PRDM4: variants seen among roughly 807,000 people sequenced by gnomAD.
The protein encoded by PRDM4 is PR domain zinc finger protein 4.
Under a neutral mutation model 62.3 loss-of-function variants are expected in PRDM4, and 38 were observed. The observed-to-expected ratio is 0.61, with a 90% CI of 0.47 to 0.80. PRDM4 has a LOEUF of 0.80. PRDM4 is among the 30% of genes least tolerant of loss of function. The pLI, the probability that PRDM4 is intolerant of heterozygous loss-of-function variation, is 0.00. For missense variants in PRDM4, 858 were observed against 997.1 expected, an observed-to-expected ratio of 0.86 and a Z score of 1.88; for synonymous variants, 339 against 348.2, an observed-to-expected ratio of 0.97 and a Z score of 0.30.
chr12:107,754,506 C>G (rs1470523103), intron 3 of PRDM4, among the ~76,000 whole-genome samples: 1 of 152,090 alleles, frequency 6.6e-6, no homozygotes, highest in Non-Finnish European at 1.5e-5. Context: ...CCTCAGCCTC[C>G]TGAGTAGCTG....
Position 107,741,005 on chromosome 12 carries a change from A to C in PRDM4, c.1865T>G (p.Phe622Cys). 6.2e-7 allele frequency: 1 copy of C among 1,614,214 alleles called. No homozygotes were observed. The highest frequency in any genetic ancestry group is 8.5e-7 in the Non-Finnish European group (1 of 1,180,034). Residue 622 changes from phenylalanine to cysteine, a missense_variant, in exon 10 of 12, where the codon TTC becomes TGC. Physicochemically the swap from Phe to Cys is radical, Grantham distance 205. Around this residue, in one of 3 missense-constraint regions of PRDM4, gnomAD observed 355 missense variants for 432.6 expected, o/e 0.82. Transcript: ENST00000228437. ...HMGMKPHKCD[F>C]CSKAFSDPSN... ...GGGATCACTAAAAGCCTTGCTACAG[A>C]AATCACACTTGTGGGGCTTCATACC...
At position 107,760,768 on chromosome 12, in the gene PRDM4, C is replaced by T; in HGVS notation, c.-253G>A. The T allele has an allele frequency of 3.8e-6, 2 of 520,750 alleles. No individual in the cohort carries two copies. The highest frequency in any genetic ancestry group is 7.2e-5 in the Admixed American group (2 of 27,862). The allele number at this position is 520,750 out of a possible 1,614,324, so 32.3% of individuals were successfully genotyped here. A position where few individuals can be genotyped will look rare whatever the true frequency, so the allele number is the denominator to read the frequency against. On this transcript the variant is annotated 5_prime_UTR_variant, in exon 2 of 12. It introduces an in-frame stop codon into an upstream open reading frame of the 5' UTR. Coordinates refer to ENST00000228437, the MANE Select transcript of PRDM4 (RefSeq NM_012406.4). ...CAGAAGCTTCGGGAAGGGGGCTGCC[C>T]AACCTGGGGGAGTGGGGACAAGAGC...
Position 107,744,577 on chromosome 12 carries a change from T to G in PRDM4, c.1361A>C (p.Glu454Ala). Residue 454 changes from glutamate (E) to alanine (A), a missense_variant, in exon 7 of 12, where the codon GAA becomes GCA. Coordinates refer to ENST00000228437, the MANE Select transcript of PRDM4 (RefSeq NM_012406.4). ...ATGGTTAACTGCCTTGTCTGTCCAT[T>G]CTGCTACTTCCATGGAGTGACTCTG... ...GQQSHSMEVA[E>A]WTDKAVNHIW... is the part of the protein sequence containing the mutation. 2 of 1,613,814 alleles carry G rather than the reference T, an allele frequency of 1.2e-6. No homozygotes were observed. The highest frequency in any genetic ancestry group is 2.2e-5 in the South Asian group (2 of 91,080).
At chr12:107,734,637 G>A in intron 11 of PRDM4, 115 bp from the exon 12 acceptor site, 1 of 984,486 alleles carries the variant, frequency 1.0e-6, no homozygotes, top group Non-Finnish European at 1.5e-6. Context: ...TTCTGAATCA[G>A]GCTTTTGCAT....
chr12:107,754,431 G>A (rs1268144271), intron 3 of PRDM4, among the ~76,000 whole-genome samples: 3 of 152,180 alleles, frequency 2.0e-5, no homozygotes, highest in Non-Finnish European at 2.9e-5. Context: ...TGCCCAGGCT[G>A]GAGTGCAGTG....
chr12:107,740,082 G>A (rs1476743582), intron 10 of PRDM4, among the ~76,000 whole-genome samples: 1 of 152,068 alleles, frequency 6.6e-6, no homozygotes, highest in Non-Finnish European at 1.5e-5. Context: ...AGGCTTTGTG[G>A]GCCATAAGGT....
At chr12:107,758,108 T>C (rs751528724) in intron 2 of PRDM4, among the ~76,000 whole-genome samples, 15 of 152,246 alleles carry the variant, frequency 9.9e-5, no homozygotes, top group Middle Eastern at 6.8e-3. Flanking sequence ...AATAGGTTTT[T>C]AATTCTGAAA....
chr12:107,756,720 C>T lies in PRDM4; in HGVS notation c.145+112G>A, dbSNP rs994735398. 9.2e-6 allele frequency: 12 copies of T among 1,304,076 alleles called. No individual in the cohort carries two copies. The Admixed American group carries it at 1.2e-4, about 13-fold the overall frequency. The allele number at this position is 1,304,076 out of a possible 1,614,324, so 80.8% of individuals were successfully genotyped here. On this transcript the variant is annotated intron_variant, in intron 3 of 11. Transcript: ENST00000228437. ...TGAACCACCATTCAGGCCTGCTTAC[C>T]TTCTCCCTTCTACCTTCTACCCTTA...
At chr12:107,740,867 C>T in intron 10 of PRDM4, 79 bp downstream of exon 10, 1 of 1,409,896 alleles carries the variant, frequency 7.1e-7, no homozygotes, top group East Asian at 2.3e-5. Context: ...ACTCCACCTA[C>T]AATCCCTCTA....
At chr12:107,759,025 T>C (rs1891146773) in intron 2 of PRDM4, among the ~76,000 whole-genome samples, 1 of 152,134 alleles carries the variant, frequency 6.6e-6, no homozygotes, top group African/African-American at 2.4e-5. Context: ...ATCCCACACT[T>C]TGGGAGGCCA....
At position 107,741,827 on chromosome 12, in the gene PRDM4, C is replaced by T. The variant is rs570417139; in HGVS notation, c.1609+394G>A. 2.4e-3 allele frequency among the ~76,000 whole-genome samples: 367 copies of T among 152,308 alleles called. 1 individual carries two copies. Among genetic ancestry groups the T allele is most frequent in the Non-Finnish European group, 4.0e-3 (269 of 68,018 alleles). Reference sequence around the variant, plus strand: ...TAAGCAAAATATTTAGGTTTTATAGCATACCCAAACTCTTAAACATTAGCT... The same window carrying T: ...TAAGCAAAATATTTAGGTTTTATAGTATACCCAAACTCTTAAACATTAGCT... On this transcript the variant is annotated intron_variant, in intron 9 of 11. Coordinates refer to ENST00000228437, the MANE Select transcript of PRDM4 (RefSeq NM_012406.4).
At chr12:107,743,164 T>C in intron 8 of PRDM4, 33 bp downstream of exon 8, 1 of 1,499,132 alleles carries the variant, frequency 6.7e-7, no homozygotes, top group South Asian at 1.1e-5. Context: ...ATCTAAATGG[T>C]AACTATTTTT....
intron 5 of PRDM4, among the ~76,000 whole-genome samples, chr12:107,750,350 C>G (rs1457593352): frequency 1.3e-5 from 2 of 151,952 alleles, no homozygotes; most frequent in Non-Finnish European, 2.9e-5. Context: ...CAAGACCAGC[C>G]AAGGCAACAC....
chr12:107,746,545 C>A, intron 5 of PRDM4, 121 bp from the exon 6 acceptor site: 3 of 949,124 alleles, frequency 3.2e-6, no homozygotes, highest in Non-Finnish European at 4.4e-6. Context: ...AGTGCAATGG[C>A]GCGATTTTGG....
chr12:107,756,711 C>G (rs1358827394), intron 3 of PRDM4, 121 bp downstream of exon 3: 1 of 1,196,592 alleles, frequency 8.4e-7, no homozygotes, highest in Admixed American at 2.6e-5. Flanking sequence ...ACCATTCAGG[C>G]CTGCTTACCT....
intron 5 of PRDM4, among the ~76,000 whole-genome samples, chr12:107,750,487 T>C (rs375172448): frequency 7.5e-4 from 114 of 152,226 alleles, no homozygotes; most frequent in Middle Eastern, 6.8e-3. Context: ...GAGGCTACAG[T>C]GAGCCGTGAT....
At chr12:107,743,481 G>A (rs1328536200) in intron 7 of PRDM4, among the ~76,000 whole-genome samples, 199 bp from the exon 8 acceptor site, 1 of 152,166 alleles carries the variant, frequency 6.6e-6, no homozygotes, top group Non-Finnish European at 1.5e-5. Context: ...AAGACCATCA[G>A]AGACCTACAG....
chr12:107,752,278 G>A (rs1890920311), intron 4 of PRDM4, 69 bp from the exon 5 acceptor site: 3 of 1,156,160 alleles, frequency 2.6e-6, no homozygotes, highest in South Asian at 1.4e-5. Context: ...AGCACTAGAC[G>A]CTATTTCCTT....
At chr12:107,739,661 A>ACCAGTCAGCT in intron 10 of PRDM4, 110 bp from the exon 11 acceptor site, 3 of 1,111,394 alleles carry the variant, frequency 2.7e-6, no homozygotes, top group Non-Finnish European at 3.8e-6. Context: ...AACAGAGCTG[A>ACCAGTCAGCT]CTGGTAAGCA....
Sources: allele counts gnomAD v4.1 joint callset (sites outside exome capture counted in the v4.1 genomes callset), GRCh38; gene constraint gnomAD v4.1.1; regional missense constraint gnomAD v4.1.1; transcripts MANE v1.5; gene names NCBI Gene and HGNC (gene_info 2026-07-23, HGNC 2026-07-21).